TMPRSS11E: variants seen among roughly 807,000 people sequenced by gnomAD.
TMPRSS11E encodes transmembrane serine protease 11E, also known as transmembrane protease serine 11E.
Under a neutral mutation model 48.1 loss-of-function variants are expected in TMPRSS11E, and 38 were observed. The ratio of observed to expected loss-of-function variants is 0.79; its 90% CI spans 0.61 to 1.04. TMPRSS11E has a LOEUF of 1.04. Among genes scored for constraint, TMPRSS11E ranks in the 50% least tolerant of loss-of-function variants. The probability of loss-of-function intolerance (pLI) is 0.00; values close to 1 mark genes in which losing one functional copy is unlikely to be tolerated. For missense variants in TMPRSS11E, 530 were observed against 510.8 expected (o/e 1.04, Z -0.36); for synonymous variants, 158 against 171.9 (o/e 0.92, Z 0.63).
In TMPRSS11E at chr4:68,466,621, T is replaced by C. The variant is rs1193613841; in HGVS notation, c.137-10T>C. 1.2e-6 allele frequency: 2 copies of C among 1,610,494 alleles called. No homozygotes were observed. Among genetic ancestry groups the C allele is most frequent in the Non-Finnish European group, 1.7e-6 (2 of 1,178,526 alleles). ...AAAATTATGATAGTGTTTTGCTTCTTTCCTTGTAGATCAAAAGAAGACCTA... is the reference window on the plus strand; with the variant it reads ...AAAATTATGATAGTGTTTTGCTTCTCTCCTTGTAGATCAAAAGAAGACCTA... On this transcript the variant is annotated splice_polypyrimidine_tract_variant and intron_variant, in intron 2 of 9. Coordinates refer to ENST00000305363, the MANE Select transcript of TMPRSS11E (RefSeq NM_014058.4).
At chr4:68,482,380 A>G (rs145144188) in intron 9 of TMPRSS11E, among the ~76,000 whole-genome samples, 1,891 of 152,138 alleles carry the variant, frequency 0.012, 47 homozygotes, top group African/African-American at 0.044. Context: ...CCCAAATCTC[A>G]TGTCTTCTCA....
rs140446921 is a variant in TMPRSS11E at position 68,453,397 on chromosome 4, G to A, written c.11+5874G>A. On this transcript the variant is annotated intron_variant, in intron 1 of 9. Transcript: ENST00000305363. ...TAATCCCAAGCTGTTTGATGCCTAA[G>A]CCCAAGTCTTTATCCACTAAACAAG... Among the ~76,000 whole-genome samples, 732 of 151,878 alleles carry A rather than the reference G, an allele frequency of 4.8e-3. 13 individuals are homozygous for A. Among genetic ancestry groups the A allele is most frequent in the East Asian group, 0.043 (223 of 5,172 alleles).
chr4:68,454,037 C>G (rs1728564451), intron 1 of TMPRSS11E, among the ~76,000 whole-genome samples: 1 of 151,802 alleles, frequency 6.6e-6, no homozygotes, highest in Non-Finnish European at 1.5e-5. Flanking sequence ...ACAAGGGGCA[C>G]TATTTGATTT....
At chr4:68,475,225 C>G (rs1317983592) in intron 6 of TMPRSS11E, among the ~76,000 whole-genome samples, 1 of 151,924 alleles carries the variant, frequency 6.6e-6, no homozygotes, top group African/African-American at 2.4e-5. Context: ...ACAGAAAGTG[C>G]AGGAAATTAT....
At chr4:68,474,888 C>A in intron 6 of TMPRSS11E, 127 bp downstream of exon 6, 2 of 768,348 alleles carry the variant, frequency 2.6e-6, no homozygotes, top group African/African-American at 1.8e-5. Context: ...AATTTGTGTA[C>A]AGTTCATGGT....
At chr4:68,492,477 A>G (rs1453378637) in intron 9 of TMPRSS11E, among the ~76,000 whole-genome samples, 1 of 152,152 alleles carries the variant, frequency 6.6e-6, no homozygotes, top group Non-Finnish European at 1.5e-5. Context: ...CATTTTTCAC[A>G]TTTTTATTAT....
Position 68,477,378 on chromosome 4 carries a change from C to A in TMPRSS11E, c.717C>A (p.Asn239Lys). ...ATTTTTTTCTCCCCAGATATAAGAA[C>A]CCTGCCAGATGGACTGCTTCCTTTG... The part of the protein sequence containing the change: ...SAAHCFTTYK[N>K]PARWTASFGV... The change falls in exon 8 of 10, where the codon AAC becomes AAA. Residue 239 changes from asparagine to lysine, a missense_variant. Physicochemically the swap from Asn to Lys is moderately conservative, Grantham distance 94 (BLOSUM62 0). Transcript: ENST00000305363. 1 of 1,611,780 alleles carries A rather than the reference C, an allele frequency of 6.2e-7. No homozygotes were observed. Among genetic ancestry groups the A allele is most frequent in the Non-Finnish European group, 8.5e-7 (1 of 1,179,164 alleles).
At chr4:68,472,996 A>C (rs1182776775) in intron 5 of TMPRSS11E, among the ~76,000 whole-genome samples, 2 of 152,092 alleles carry the variant, frequency 1.3e-5, no homozygotes, top group East Asian at 3.8e-4. Flanking sequence ...CAAATCATGG[A>C]AATTATGCAA....
At chr4:68,477,980 C>T (rs189818432) in intron 8 of TMPRSS11E, among the ~76,000 whole-genome samples, 30 of 152,220 alleles carry the variant, frequency 2.0e-4, no homozygotes, top group Admixed American at 1.3e-3. Context: ...AGCCACCATT[C>T]TCCCCTACTG....
chr4:68,474,619 A>G, intron 5 of TMPRSS11E, 104 bp from the exon 6 acceptor site: 3 of 1,016,708 alleles, frequency 3.0e-6, no homozygotes, highest in Non-Finnish European at 3.0e-6. Context: ...ATCTAGAGAT[A>G]CTGTTTTATA....
intron 1 of TMPRSS11E, among the ~76,000 whole-genome samples, chr4:68,452,044 T>C (rs1728512547): frequency 1.3e-5 from 2 of 151,844 alleles, no homozygotes; most frequent in African/African-American, 4.8e-5. Flanking sequence ...CTAAGGCCAG[T>C]GGATAGGAAG....
At chr4:68,458,200 A>C (rs1728687982) in intron 1 of TMPRSS11E, among the ~76,000 whole-genome samples, 1 of 152,110 alleles carries the variant, frequency 6.6e-6, no homozygotes, top group South Asian at 2.1e-4. Context: ...GCTTGCCATT[A>C]GCTTTATTTG....
chr4:68,487,468 T>C (rs1729590682), intron 9 of TMPRSS11E, among the ~76,000 whole-genome samples: 1 of 151,816 alleles, frequency 6.6e-6, no homozygotes, highest in Non-Finnish European at 1.5e-5. Context: ...GCCAGGCTGG[T>C]CTTGAACTCC....
chr4:68,455,051 T>A, intron 1 of TMPRSS11E, among the ~76,000 whole-genome samples: 1 of 151,934 alleles, frequency 6.6e-6, no homozygotes, highest in East Asian at 1.9e-4. Context: ...TCTATACATT[T>A]GTACCCCTTA....
chr4:68,485,212 T>C (rs1051391814), intron 9 of TMPRSS11E, among the ~76,000 whole-genome samples: 2 of 152,128 alleles, frequency 1.3e-5, no homozygotes, highest in Non-Finnish European at 2.9e-5. Flanking sequence ...AGTGGTGCGA[T>C]CTCAGCTCAC....
Position 68,476,258 on chromosome 4 carries a change from CAGGCTGCGGAACACGA to C in TMPRSS11E, c.530_545del (p.Cys177Ter). ...CAATGCACCCCCCCTCTCTCTTTTGCAGGCTGCGGAACACGAAGAAGTAAAACTCTAGGTCAGAGTC... is the reference window on the plus strand; with the variant it reads ...CAATGCACCCCCCCTCTCTCTTTTGCAGAAGTAAAACTCTAGGTCAGAGTC... On this transcript the variant is annotated splice_acceptor_variant and coding_sequence_variant, in exon 7 of 10. Coordinates refer to ENST00000305363, the MANE Select transcript of TMPRSS11E (RefSeq NM_014058.4). LOFTEE classifies it high-confidence loss of function. 1.2e-6 allele frequency: 2 copies of C among 1,613,824 alleles called. No homozygotes were observed. The highest frequency in any genetic ancestry group is 1.7e-6 in the Non-Finnish European group (2 of 1,179,948).
In TMPRSS11E at chr4:68,496,803, A is replaced by T; in HGVS notation, c.1271A>T (p.Ter424LeuextTer9). 6.2e-7 allele frequency: 1 copy of T among 1,609,064 alleles called. No individual in the cohort carries two copies. Reference protein sequence around the residue: ...RDWITSKTGI* With the variant: ...RDWITSKTGIL ...TGGATTACTTCAAAAACTGGTATCT[A>T]AGAGAGAAAAGCCTCATGGAACAGA... The change falls in exon 10 of 10, where the codon TAA (stop) becomes TTA (leucine). Residue 424 changes from the stop codon to leucine (L), a stop_lost. Transcript: ENST00000305363.
In TMPRSS11E at chr4:68,470,749, G is replaced by A. The variant is rs372262273; in HGVS notation, c.327-711G>A. On this transcript the variant is annotated intron_variant, in intron 4 of 9. Coordinates refer to ENST00000305363, the MANE Select transcript of TMPRSS11E (RefSeq NM_014058.4). ...GAGTGGGTAAAGTAGCTGGCAGGAT[G>A]ATTCCAAGGTAGTAATTCATACAAA... 3.7e-4 allele frequency among the ~76,000 whole-genome samples: 56 copies of A among 151,958 alleles called. No homozygotes were observed. In the South Asian group the frequency reaches 0.011, roughly 29 times the overall value.
At chr4:68,486,104 T>C (rs1048953558) in intron 9 of TMPRSS11E, among the ~76,000 whole-genome samples, 51 of 152,190 alleles carry the variant, frequency 3.4e-4, no homozygotes, top group African/African-American at 1.1e-3. Context: ...TTTGGTTTCA[T>C]TGATCTTTTA....
Sources: allele counts gnomAD v4.1 joint callset (sites outside exome capture counted in the v4.1 genomes callset), GRCh38; gene constraint gnomAD v4.1.1; transcripts MANE v1.5; gene names NCBI Gene and HGNC (gene_info 2026-07-23, HGNC 2026-07-21).